Variants in ARB2A observed in about 807,000 individuals in gnomAD.
The protein encoded by ARB2A is ARB2 cotranscriptional regulator A.
chr5:93,751,272 C>A, the ARB2A span, among the ~76,000 whole-genome samples: 7 of 152,012 alleles, frequency 4.6e-5, no homozygotes. Context: ...TGCAAAACAT[C>A]TATAAACTAG....
chr5:94,006,974 G>T, the ARB2A span, among the ~76,000 whole-genome samples: 1 of 152,124 alleles, frequency 6.6e-6, no homozygotes, highest in Non-Finnish European at 1.5e-5. Flanking sequence ...TTCTAAATCT[G>T]ATGTCACAAA....
the ARB2A span, among the ~76,000 whole-genome samples, chr5:93,778,907 T>C: frequency 2.0e-5 from 3 of 152,306 alleles, no homozygotes; most frequent in Middle Eastern, 0.01. Flanking sequence ...AAGCAAAATA[T>C]AAGTTAACAT....
the ARB2A span, among the ~76,000 whole-genome samples, chr5:93,709,849 A>G: frequency 6.6e-6 from 1 of 151,976 alleles, no homozygotes; most frequent in South Asian, 2.1e-4. Flanking sequence ...CAACCCTATA[A>G]TTTTTCAAGT....
At chr5:93,963,536 G>C in the ARB2A span, among the ~76,000 whole-genome samples, 3 of 151,866 alleles carry the variant, frequency 2.0e-5, no homozygotes, top group African/African-American at 7.2e-5. Context: ...TTTAAAAAAG[G>C]AACTATGGAA....
At chr5:93,970,304 T>TA in the ARB2A span, among the ~76,000 whole-genome samples, 3 of 152,062 alleles carry the variant, frequency 2.0e-5, no homozygotes, top group East Asian at 5.8e-4. Flanking sequence ...TAAAGGTGGA[T>TA]AAATTGAATC....
chr5:93,638,640 T>C, the ARB2A span, among the ~76,000 whole-genome samples: 4 of 150,972 alleles, frequency 2.6e-5, no homozygotes, highest in African/African-American at 9.8e-5. Context: ...TGGAGAAACC[T>C]GTCTCTACTA....
At chr5:94,085,870 C>A in the ARB2A span, among the ~76,000 whole-genome samples, 1 of 152,104 alleles carries the variant, frequency 6.6e-6, no homozygotes, top group Non-Finnish European at 1.5e-5. Flanking sequence ...AGCGAGGAAA[C>A]CAAATCTTAG....
the ARB2A span, among the ~76,000 whole-genome samples, chr5:93,961,012 A>T: frequency 6.6e-6 from 1 of 152,170 alleles, no homozygotes; most frequent in African/African-American, 2.4e-5. Flanking sequence ...ATATAAAAAT[A>T]GGAGAATTGC....
At chr5:94,023,205 T>G in the ARB2A span, among the ~76,000 whole-genome samples, 3 of 152,348 alleles carry the variant, frequency 2.0e-5, no homozygotes, top group Non-Finnish European at 4.4e-5. Context: ...GTGGCCAAGA[T>G]AGCCCACAAG....
the ARB2A span, among the ~76,000 whole-genome samples, chr5:93,986,773 G>C: frequency 6.6e-6 from 1 of 152,146 alleles, no homozygotes; most frequent in Admixed American, 6.5e-5. Flanking sequence ...AATGGATTAA[G>C]GGCGGTGCAA....
chr5:93,702,376 C>T, the ARB2A span, among the ~76,000 whole-genome samples: 1 of 152,104 alleles, frequency 6.6e-6, no homozygotes, highest in African/African-American at 2.4e-5. Flanking sequence ...CACTGGGCCC[C>T]ATCAGGTACT....
the ARB2A span, among the ~76,000 whole-genome samples, chr5:94,090,266 T>C: frequency 6.6e-6 from 1 of 152,186 alleles, no homozygotes; most frequent in Non-Finnish European, 1.5e-5. Context: ...TATTCCTAGG[T>C]ATTTTATTCT....
chr5:93,793,263 T>TTTTTTTTG, the ARB2A span, among the ~76,000 whole-genome samples: 1 of 137,846 alleles, frequency 7.3e-6, no homozygotes, highest in African/African-American at 3.0e-5. Context: ...TTTTTTTTTT[T>TTTTTTTTG]GGTAGAAACA....
chr5:93,638,496 A>T, the ARB2A span, among the ~76,000 whole-genome samples: 4 of 152,136 alleles, frequency 2.6e-5, no homozygotes, highest in African/African-American at 9.7e-5. Flanking sequence ...ATGGATCTTT[A>T]AACATTATAC....
the ARB2A span, among the ~76,000 whole-genome samples, chr5:94,048,044 C>A: frequency 2.3e-5 from 3 of 129,566 alleles, no homozygotes; most frequent in Non-Finnish European, 3.2e-5. Context: ...AAGTGGAAAT[C>A]GGTAAGCTTT....
chr5:93,895,086 G>T, the ARB2A span, among the ~76,000 whole-genome samples: 1 of 152,120 alleles, frequency 6.6e-6, no homozygotes, highest in African/African-American at 2.4e-5. Context: ...AAAAAAACAA[G>T]ATTCTCAACA....
chr5:94,002,061 T>C, the ARB2A span, among the ~76,000 whole-genome samples: 5 of 152,012 alleles, frequency 3.3e-5, no homozygotes, highest in South Asian at 8.3e-4. Flanking sequence ...TGGGAGAGAA[T>C]GGCTAGGGTG....
the ARB2A span, among the ~76,000 whole-genome samples, chr5:94,111,280 G>A: frequency 1.3e-5 from 2 of 152,106 alleles, no homozygotes; most frequent in African/African-American, 2.4e-5. Flanking sequence ...AGTCATCCAG[G>A]GAACACACAC....
the ARB2A span, among the ~76,000 whole-genome samples, chr5:93,883,814 C>T: frequency 6.6e-6 from 1 of 150,978 alleles, no homozygotes; most frequent in Non-Finnish European, 1.5e-5. Flanking sequence ...AAGAAAATTG[C>T]CTCCCTACTA....
Sources: allele counts gnomAD v4.1 joint callset (sites outside exome capture counted in the v4.1 genomes callset), GRCh38; gene constraint gnomAD v4.1.1; transcripts MANE v1.5; gene names NCBI Gene and HGNC (gene_info 2026-07-23, HGNC 2026-07-21).